The following CADPS2 variants were observed in gnomAD, a reference collection of about 807,000 sequenced individuals.
CADPS2 encodes calcium-dependent secretion activator 2.
A neutral mutation model predicts 172.5 loss-of-function variants in CADPS2; 93 were observed. The observed-to-expected ratio is 0.54, with a 90% CI of 0.46 to 0.64. The LOEUF is 0.64. Ranked by LOEUF, CADPS2 falls within the 30% of genes least tolerant of loss-of-function variation. The pLI, the probability that CADPS2 is intolerant of heterozygous loss-of-function variation, is 0.00. For missense variants in CADPS2, 1,420 were observed against 1,565.9 expected (o/e 0.91, Z 1.57); for synonymous variants, 546 against 555.2 (o/e 0.98, Z 0.23).
chr7:122,407,739 T>C, intron 19 of CADPS2, 43 bp from the exon 20 acceptor site: 1 of 1,529,326 alleles, frequency 6.5e-7, no homozygotes. Context: ...TAGATTACTT[T>C]TTAGAAACAT....
intron 28 of CADPS2, among the ~76,000 whole-genome samples, chr7:122,340,109 G>A (rs2036544707): frequency 6.6e-6 from 1 of 152,090 alleles, no homozygotes; most frequent in African/African-American, 2.4e-5. Flanking sequence ...TCACTGGAAA[G>A]TAAGCATTCT....
At chr7:122,804,197 C>G (rs1798304964) in intron 1 of CADPS2, among the ~76,000 whole-genome samples, 1 of 152,060 alleles carries the variant, frequency 6.6e-6, no homozygotes, top group Admixed American at 6.5e-5. Context: ...GCATCAGTGC[C>G]AAGGCATTAG....
At chr7:122,567,898 A>G (rs956125035) in intron 7 of CADPS2, among the ~76,000 whole-genome samples, 1 of 152,166 alleles carries the variant, frequency 6.6e-6, no homozygotes, top group African/African-American at 2.4e-5. Flanking sequence ...CAGAAGAGAA[A>G]GAAAAAACAT....
At chr7:122,715,161 A>G (rs1021793607) in intron 2 of CADPS2, among the ~76,000 whole-genome samples, 1 of 152,158 alleles carries the variant, frequency 6.6e-6, no homozygotes, top group Non-Finnish European at 1.5e-5. Context: ...TAAGTTTCCT[A>G]TTCTTTGACT....
intron 2 of CADPS2, among the ~76,000 whole-genome samples, chr7:122,725,964 C>T (rs1434354810): frequency 1.3e-5 from 2 of 151,852 alleles, no homozygotes; most frequent in African/African-American, 2.4e-5. Flanking sequence ...ATATCATCCC[C>T]GTGTCCCTAA....
chr7:122,365,648 C>A (rs1185282845), intron 25 of CADPS2, among the ~76,000 whole-genome samples: 1 of 152,050 alleles, frequency 6.6e-6, no homozygotes, highest in Non-Finnish European at 1.5e-5. Context: ...CTGAGGGTGT[C>A]GGGTTGGAAT....
At chr7:122,405,796 T>C (rs2046571973) in intron 20 of CADPS2, among the ~76,000 whole-genome samples, 1 of 152,210 alleles carries the variant, frequency 6.6e-6, no homozygotes, top group African/African-American at 2.4e-5. Context: ...TGTAAGCTTA[T>C]AATAGCATCT....
chr7:122,390,214 C>T (rs900289483), intron 22 of CADPS2, among the ~76,000 whole-genome samples: 9 of 151,986 alleles, frequency 5.9e-5, no homozygotes, highest in Non-Finnish European at 1.0e-4. Context: ...ATATTCAGTG[C>T]CTCAAATGCA....
intron 6 of CADPS2, among the ~76,000 whole-genome samples, chr7:122,610,038 A>G (rs939726934): frequency 1.3e-5 from 2 of 152,140 alleles, no homozygotes; most frequent in African/African-American, 2.4e-5. Flanking sequence ...TGATAAATAC[A>G]AATCTCTTAA....
chr7:122,685,041 T>G (rs1440409278), intron 2 of CADPS2, among the ~76,000 whole-genome samples: 3 of 152,182 alleles, frequency 2.0e-5, no homozygotes, highest in African/African-American at 7.2e-5. Context: ...AGTTTATACC[T>G]TGTAGTTGTT....
At chr7:122,611,833 T>C (rs935267871) in intron 6 of CADPS2, among the ~76,000 whole-genome samples, 1 of 151,838 alleles carries the variant, frequency 6.6e-6, no homozygotes, top group African/African-American at 2.4e-5. Context: ...GAAAACCAAA[T>C]CCAGTGACAA....
chr7:122,491,850 G>A (rs2058315549), intron 9 of CADPS2, among the ~76,000 whole-genome samples: 1 of 152,050 alleles, frequency 6.6e-6, no homozygotes, highest in African/African-American at 2.4e-5. Context: ...ACATAAACAT[G>A]GGACCACATT....
At chr7:122,393,118 T>C (rs2044599116) in intron 22 of CADPS2, 78 bp downstream of exon 22, 2 of 1,519,196 alleles carry the variant, frequency 1.3e-6, no homozygotes, top group Middle Eastern at 1.7e-4. Flanking sequence ...CCATGCAGTC[T>C]AAACACATCT....
intron 1 of CADPS2, among the ~76,000 whole-genome samples, chr7:122,826,317 T>C (rs761343257): frequency 2.6e-5 from 4 of 152,194 alleles, no homozygotes; most frequent in Non-Finnish European, 4.4e-5. Context: ...AAAATGCTGC[T>C]GGAGCAGTAT....
At chr7:122,781,236 T>A (rs538748252) in intron 1 of CADPS2, among the ~76,000 whole-genome samples, 1 of 152,334 alleles carries the variant, frequency 6.6e-6, no homozygotes, top group Admixed American at 6.5e-5. Context: ...CCTATTAAAA[T>A]ATCTTTTCCT....
chr7:122,466,797 C>G (rs533022746), intron 14 of CADPS2, among the ~76,000 whole-genome samples: 3 of 152,168 alleles, frequency 2.0e-5, no homozygotes, highest in South Asian at 2.1e-4. Flanking sequence ...GAGGCTCAGA[C>G]AGATTAAAAC....
chr7:122,376,929 A>T (rs570428977), intron 25 of CADPS2, among the ~76,000 whole-genome samples: 1 of 152,252 alleles, frequency 6.6e-6, no homozygotes, highest in South Asian at 2.1e-4. Flanking sequence ...TATGGAGATT[A>T]ATTTGCATCA....
intron 9 of CADPS2, among the ~76,000 whole-genome samples, chr7:122,494,830 C>A (rs118145553): frequency 2.6e-5 from 4 of 151,644 alleles, no homozygotes; most frequent in Non-Finnish European, 5.9e-5. Context: ...TTTACTTTTT[C>A]CCTTGCATAT....
chr7:122,518,901 T>C (rs1046947097), intron 8 of CADPS2, among the ~76,000 whole-genome samples: 10 of 152,126 alleles, frequency 6.6e-5, no homozygotes, highest in African/African-American at 2.4e-4. Context: ...TTTGTGTGTG[T>C]GTCTGAGGGC....
Sources: gnomAD v4.1 joint callset for allele counts (sites outside exome capture counted in the v4.1 genomes callset) on GRCh38, gnomAD v4.1.1 for gene constraint, MANE v1.5 for transcripts, NCBI Gene and HGNC (gene_info 2026-07-23, HGNC 2026-07-21) for gene names.